Variants in KAZN observed in about 807,000 individuals in gnomAD.
KAZN encodes the protein kazrin.
Under a neutral mutation model 87.4 loss-of-function variants are expected in KAZN, and 40 were observed. That is an observed-to-expected ratio of 0.46 (90% confidence interval 0.36 to 0.60). The LOEUF (loss-of-function observed/expected upper bound fraction) is 0.60. KAZN is among the 20% of genes least tolerant of loss of function. The probability of loss-of-function intolerance (pLI) is 0.00; values close to 1 mark genes in which losing one functional copy is unlikely to be tolerated. For missense variants in KAZN, 898 were observed against 1,073.9 expected (o/e 0.84, Z 2.29); for synonymous variants, 466 against 458.3 (o/e 1.02, Z -0.22).
At chr1:14,901,330 G>A (rs1308979004) in intron 1 of KAZN, among the ~76,000 whole-genome samples, 1 of 152,220 alleles carries the variant, frequency 6.6e-6, no homozygotes, top group Non-Finnish European at 1.5e-5. Flanking sequence ...GAAGCCCAGT[G>A]GAGATGAGTG....
chr1:15,055,999 C>A (rs1489582821), intron 4 of KAZN, 92 bp from the exon 5 acceptor site: 7 of 1,290,482 alleles, frequency 5.4e-6, no homozygotes, highest in Non-Finnish European at 7.7e-6. Context: ...AGGATCCGGG[C>A]TTTCTCCCCA....
intron 2 of KAZN, among the ~76,000 whole-genome samples, chr1:14,517,558 C>T (rs1671362590): frequency 6.6e-6 from 1 of 152,214 alleles, no homozygotes; most frequent in African/African-American, 2.4e-5. Context: ...TGCCTTAGCG[C>T]CATTTGTGAC....
intron 2 of KAZN, among the ~76,000 whole-genome samples, chr1:14,262,791 G>A (rs1345442424): frequency 2.0e-5 from 3 of 152,102 alleles, no homozygotes; most frequent in South Asian, 2.1e-4. Context: ...TAAATCATTC[G>A]GTCGTTGTTA....
intron 1 of KAZN, among the ~76,000 whole-genome samples, chr1:14,012,581 G>A (rs75757429): frequency 0.027 from 4,052 of 152,246 alleles, 165 homozygotes; most frequent in African/African-American, 0.086. Flanking sequence ...TTGGGAGGGT[G>A]ACGCGGGTGG....
chr1:14,895,077 A>G (rs2101196017), intron 1 of KAZN, among the ~76,000 whole-genome samples: 1 of 152,370 alleles, frequency 6.6e-6, no homozygotes, highest in South Asian at 2.1e-4. Context: ...CCTTGTGGTG[A>G]CTGAGTAGGA....
intron 1 of KAZN, among the ~76,000 whole-genome samples, chr1:13,898,515 G>A (rs57179853): frequency 0.17 from 26,434 of 152,214 alleles, 2,908 homozygotes; most frequent in Admixed American, 0.35. Context: ...AACAACTAAA[G>A]TCATTTTATC....
At chr1:14,533,166 C>T (rs532212789) in intron 2 of KAZN, among the ~76,000 whole-genome samples, 11 of 152,226 alleles carry the variant, frequency 7.2e-5, no homozygotes, top group African/African-American at 2.2e-4. Context: ...TTTTATACTT[C>T]GTAGAATCCT....
chr1:14,025,097 G>C (rs12088012), intron 1 of KAZN, among the ~76,000 whole-genome samples: 28,919 of 152,204 alleles, frequency 0.19, 3,131 homozygotes, highest in African/African-American at 0.28. Flanking sequence ...GTTCCTCCCA[G>C]AGTTCCAAAC....
chr1:14,972,768 G>A (rs1665209557), intron 2 of KAZN, among the ~76,000 whole-genome samples: 1 of 152,064 alleles, frequency 6.6e-6, no homozygotes, highest in Admixed American at 6.6e-5. Flanking sequence ...GCCCACTGTG[G>A]CCTCCCAAAG....
intron 1 of KAZN, among the ~76,000 whole-genome samples, chr1:14,618,495 G>C (rs142660609): frequency 6.6e-6 from 1 of 152,260 alleles, no homozygotes. Flanking sequence ...CAATGATGAA[G>C]ATAATAAGTG....
intron 2 of KAZN, among the ~76,000 whole-genome samples, chr1:14,998,780 C>T (rs1668161777): frequency 6.6e-6 from 1 of 152,100 alleles, no homozygotes; most frequent in African/African-American, 2.4e-5. Flanking sequence ...AACTCCTGAC[C>T]TCAGGGTGAC....
At chr1:13,914,688 C>T (rs990621693) in intron 1 of KAZN, among the ~76,000 whole-genome samples, 4 of 152,190 alleles carry the variant, frequency 2.6e-5, no homozygotes, top group South Asian at 2.1e-4. Flanking sequence ...AAGAATTATG[C>T]TAAATATGGC....
At chr1:14,885,925 C>T (rs1653991059) in intron 1 of KAZN, among the ~76,000 whole-genome samples, 1 of 152,086 alleles carries the variant, frequency 6.6e-6, no homozygotes, top group Non-Finnish European at 1.5e-5. Context: ...ATGTACATAG[C>T]CAGGTCATTC....
chr1:15,101,164 T>TCTCTCTCTCTCTCTCTCTCTCTCTCTC (rs1553190085), intron 10 of KAZN, among the ~76,000 whole-genome samples: 7 of 127,762 alleles, frequency 5.5e-5, no homozygotes, highest in Admixed American at 1.7e-4. Flanking sequence ...GTCTCGGTCT[T>TCTCTCTCTCTCTCTCTCTCTCTCTCTC]TCTCTCTCTC....
At chr1:14,929,944 T>A in intron 1 of KAZN, 1 of 985,436 alleles carries the variant, frequency 1.0e-6, no homozygotes. Flanking sequence ...AGGATATCAA[T>A]TGTGGCAATT....
chr1:14,918,322 C>T (rs1042073534), intron 1 of KAZN, among the ~76,000 whole-genome samples: 4 of 152,204 alleles, frequency 2.6e-5, no homozygotes, highest in African/African-American at 9.6e-5. Flanking sequence ...GGGAAGCAAG[C>T]TGCCATTCTG....
intron 1 of KAZN, among the ~76,000 whole-genome samples, chr1:14,879,995 A>G (rs1342946286): frequency 6.6e-6 from 1 of 152,206 alleles, no homozygotes; most frequent in Non-Finnish European, 1.5e-5. Flanking sequence ...CAAGGCAAAT[A>G]ACAGTGGAGC....
At chr1:14,531,762 C>T (rs1004304708) in intron 2 of KAZN, among the ~76,000 whole-genome samples, 2 of 152,152 alleles carry the variant, frequency 1.3e-5, no homozygotes, top group Non-Finnish European at 2.9e-5. Flanking sequence ...GCAAGGGAAG[C>T]TTTGAAATGG....
chr1:14,440,431 C>G (rs991384453), intron 2 of KAZN, among the ~76,000 whole-genome samples: 1 of 152,202 alleles, frequency 6.6e-6, no homozygotes, highest in Non-Finnish European at 1.5e-5. Context: ...CTTCCGGGAA[C>G]TACCATATTG....
Sources: gnomAD v4.1 joint callset for allele counts (sites outside exome capture counted in the v4.1 genomes callset) on GRCh38, gnomAD v4.1.1 for gene constraint, MANE v1.5 for transcripts, NCBI Gene and HGNC (gene_info 2026-07-23, HGNC 2026-07-21) for gene names.